The following ACACA variants were observed in gnomAD, a reference collection of about 807,000 sequenced individuals.
The protein encoded by ACACA is acetyl-CoA carboxylase 1.
In ACACA, 103 loss-of-function variants were observed where a neutral mutation model predicts 296.1. That is an observed-to-expected ratio of 0.35 (90% CI 0.30 to 0.41). ACACA has a LOEUF of 0.41. Among genes scored for constraint, ACACA ranks in the 10% least tolerant of loss-of-function variants. ACACA has a pLI of 1.00. For synonymous variants in ACACA, 953 were observed against 1,038.6 expected (o/e 0.92, Z 1.58); for missense variants, 1,554 against 2,989.7 (o/e 0.52, Z 11.20).
chr17:37,330,366 C>G lies in ACACA; in HGVS notation c.145G>C (p.Glu49Gln). The G allele has an allele frequency of 6.2e-7, 1 of 1,614,152 alleles. No homozygotes were observed. Among genetic ancestry groups the G allele is most frequent in the Non-Finnish European group, 8.5e-7 (1 of 1,180,024 alleles). ...ATGAATCGAGAGTGCTGGTTCAGCT[C>G]CAGAGGTTGGGCCAAGGGAGATGGT... ...DEPSPLAQPL[E>Q]LNQHSRFIIG... Residue 49 changes from glutamate to glutamine, a missense_variant, in exon 3 of 56, where the codon GAG becomes CAG. Glu to Gln is a conservative substitution (Grantham distance 29). Coordinates refer to ENST00000616317, the MANE Select transcript of ACACA (RefSeq NM_198834.3).
chr17:37,126,838 C>T (rs1484163268), intron 47 of ACACA, among the ~76,000 whole-genome samples: 5 of 152,278 alleles, frequency 3.3e-5, no homozygotes, highest in South Asian at 4.2e-4. Flanking sequence ...AGCCCAAAGC[C>T]GATCGTTTAG....
chr17:37,294,710 C>G (rs1047603435), intron 3 of ACACA, among the ~76,000 whole-genome samples: 1 of 152,160 alleles, frequency 6.6e-6, no homozygotes, highest in East Asian at 1.9e-4. Flanking sequence ...ATTGCAACTG[C>G]GAGAGAAAAT....
At chr17:37,352,283 G>C (rs1195384499) in intron 1 of ACACA, among the ~76,000 whole-genome samples, 2 of 152,134 alleles carry the variant, frequency 1.3e-5, no homozygotes, top group African/African-American at 4.8e-5. Flanking sequence ...CATAAACTAA[G>C]TCGTTATTTC....
intron 3 of ACACA, among the ~76,000 whole-genome samples, chr17:37,308,550 A>C (rs541543658): frequency 2.6e-5 from 4 of 152,328 alleles, no homozygotes; most frequent in African/African-American, 9.6e-5. Flanking sequence ...AAAATTGATA[A>C]ATTTCTTAAC....
chr17:37,094,607 G>C (rs986078139), intron 54 of ACACA, among the ~76,000 whole-genome samples: 9 of 138,602 alleles, frequency 6.5e-5, no homozygotes, highest in Admixed American at 3.1e-4. Flanking sequence ...CAAGCAGATT[G>C]TACATCACTC....
chr17:37,208,993 A>G (rs1406516450), intron 30 of ACACA, among the ~76,000 whole-genome samples: 1 of 152,204 alleles, frequency 6.6e-6, no homozygotes, highest in African/African-American at 2.4e-5. Flanking sequence ...TCATAATTAC[A>G]AGGCAATGGA....
At chr17:37,224,889 T>G (rs1275749518) in intron 27 of ACACA, 103 bp downstream of exon 27, 1 of 492,716 alleles carries the variant, frequency 2.0e-6, no homozygotes, top group African/African-American at 2.0e-5. Context: ...AAAATCAAAA[T>G]TAATTAATTA....
intron 10 of ACACA, among the ~76,000 whole-genome samples, chr17:37,264,367 C>T (rs2081650828): frequency 6.6e-6 from 1 of 152,190 alleles, no homozygotes; most frequent in Non-Finnish European, 1.5e-5. Context: ...AAAATGGTAA[C>T]TATTTTTTTT....
At chr17:37,358,246 T>C (rs1486206462) in intron 1 of ACACA, among the ~76,000 whole-genome samples, 2 of 152,208 alleles carry the variant, frequency 1.3e-5, no homozygotes, top group Non-Finnish European at 2.9e-5. Flanking sequence ...TCTCCCACTC[T>C]CAAATCCAAA....
rs2081419148 is a variant in ACACA at position 37,260,279 on chromosome 17, TATATATATA to T, written c.1330-758_1330-750del. Among the ~76,000 whole-genome samples the T allele has an allele frequency of 9.1e-4, 31 of 34,238 alleles. 1 individual carries two copies. Among genetic ancestry groups the T allele is most frequent in the East Asian group, 5.0e-3 (3 of 598 alleles). 22.5% of individuals were successfully genotyped at this position (34,238 alleles called of 152,430 possible). ...ATATATATATATATATATATATATA[TATATATATA>T]TATATATATTTTTTTTTTTTTTTTT... On this transcript the variant is annotated intron_variant, in intron 11 of 55. Transcript: ENST00000616317.
At chr17:37,275,175 A>T (rs1377212206) in intron 8 of ACACA, among the ~76,000 whole-genome samples, 1 of 152,210 alleles carries the variant, frequency 6.6e-6, no homozygotes, top group Admixed American at 6.5e-5. Context: ...AGTCAAATCA[A>T]ATCATCAATA....
At chr17:37,286,434 A>G (rs1327300108) in intron 3 of ACACA, among the ~76,000 whole-genome samples, 1 of 151,916 alleles carries the variant, frequency 6.6e-6, no homozygotes, top group Non-Finnish European at 1.5e-5. Flanking sequence ...CTCCAAACCT[A>G]CCCTTTTATG....
chr17:37,094,999 G>A (rs911237659), intron 54 of ACACA, among the ~76,000 whole-genome samples: 3 of 152,220 alleles, frequency 2.0e-5, no homozygotes, highest in South Asian at 2.1e-4. Flanking sequence ...GATAAGAGAC[G>A]GCAGTGACCT....
intron 1 of ACACA, among the ~76,000 whole-genome samples, chr17:37,363,179 CTTTTTTTTTTT>C (rs902746004): frequency 4.1e-5 from 3 of 72,850 alleles, no homozygotes; most frequent in Admixed American, 4.0e-4. Flanking sequence ...TTCTCTTTTT[CTTTTTTTTTTT>C]TTTTTTTTTT....
At chr17:37,190,552 T>C (rs1428275667) in intron 38 of ACACA, among the ~76,000 whole-genome samples, 3 of 152,162 alleles carry the variant, frequency 2.0e-5, no homozygotes, top group African/African-American at 4.8e-5. Context: ...TTAAATTATA[T>C]AGAATGCATT....
chr17:37,395,452 CTCT>C (rs974561436), intron 1 of ACACA, among the ~76,000 whole-genome samples: 2 of 150,848 alleles, frequency 1.3e-5, no homozygotes, highest in East Asian at 1.9e-4. Context: ...AAAAATCTGT[CTCT>C]TCTTCTTGGC....
At chr17:37,144,353 C>T in intron 45 of ACACA, 1 of 488,978 alleles carries the variant, frequency 2.0e-6, no homozygotes, top group African/African-American at 2.0e-5. Context: ...CTCTCGCTTG[C>T]CCCGGCGCTG....
chr17:37,347,437 G>A (rs376317066), intron 1 of ACACA, among the ~76,000 whole-genome samples: 15 of 152,090 alleles, frequency 9.9e-5, no homozygotes, highest in East Asian at 9.7e-4. Flanking sequence ...CTGGGACTAC[G>A]CACACACTAC....
chr17:37,404,444 T>C lies in ACACA; in HGVS notation c.38+1818A>G, dbSNP rs80053454. On this transcript the variant is annotated intron_variant, in intron 1 of 55. Coordinates refer to ENST00000616317, the MANE Select transcript of ACACA (RefSeq NM_198834.3). The stretch of plus-strand genomic sequence containing the variant: ...TACGTTGCCTAGACTGGTCTCAAAC[T>C]TGGGCTCAATCCATCCTCCTGCCTC... Among the ~76,000 whole-genome samples the C allele has an allele frequency of 6.7e-3, 1,018 of 152,102 alleles. 6 individuals are homozygous for C. The highest frequency in any genetic ancestry group is 0.024 in the South Asian group (117 of 4,818).
Sources: gnomAD v4.1 joint callset for allele counts (sites outside exome capture counted in the v4.1 genomes callset) on GRCh38, gnomAD v4.1.1 for gene constraint, MANE v1.5 for transcripts, NCBI Gene and HGNC (gene_info 2026-07-23, HGNC 2026-07-21) for gene names.